Variants in IGF1R observed in about 807,000 individuals in gnomAD.
IGF1R encodes the protein insulin like growth factor 1 receptor.
IGF1R carries 44 observed loss-of-function variants against 144.6 expected under a neutral mutation model. That is an observed-to-expected ratio of 0.30 (90% CI 0.24 to 0.39). IGF1R has a LOEUF of 0.39. IGF1R is among the 10% of genes least tolerant of loss of function. The probability of loss-of-function intolerance (pLI) is 1.00; values close to 1 mark genes in which losing one functional copy is unlikely to be tolerated. For missense variants in IGF1R, 1,355 were observed against 1,833.7 expected, an observed-to-expected ratio of 0.74 and a Z score of 4.77; for synonymous variants, 795 against 722.8, an observed-to-expected ratio of 1.10 and a Z score of -1.60.
intron 19 of IGF1R, among the ~76,000 whole-genome samples, chr15:98,945,869 C>G (rs553043544): frequency 6.6e-6 from 1 of 152,040 alleles, no homozygotes; most frequent in Non-Finnish European, 1.5e-5. Flanking sequence ...ATGTTGACCT[C>G]AGACAAGAGT....
chr15:98,788,034 ATCTCTCTCTCTCTCTCTC>A (rs33910472), intron 2 of IGF1R, among the ~76,000 whole-genome samples: 1 of 133,780 alleles, frequency 7.5e-6, no homozygotes, highest in Non-Finnish European at 1.6e-5. Flanking sequence ...GTGGGTAGGG[ATCTCTCTCTCTCTCTCTC>A]TCTCTCTCTC....
intron 1 of IGF1R, among the ~76,000 whole-genome samples, chr15:98,706,263 C>G (rs1437166595): frequency 2.6e-5 from 4 of 152,216 alleles, no homozygotes; most frequent in Non-Finnish European, 4.4e-5. Context: ...GGGTGCTTCC[C>G]AAATTAATTA....
intron 19 of IGF1R, 87 bp from the exon 20 acceptor site, chr15:98,948,487 C>T (rs1033029736): frequency 2.5e-5 from 35 of 1,397,910 alleles, no homozygotes; most frequent in South Asian, 1.6e-4. Flanking sequence ...TTTATCTGCT[C>T]GGGATGTAAG....
intron 1 of IGF1R, among the ~76,000 whole-genome samples, chr15:98,673,354 C>T (rs1000361624): frequency 2.0e-5 from 3 of 152,174 alleles, no homozygotes; most frequent in African/African-American, 7.2e-5. Context: ...AGCGGTTGTA[C>T]AGTAAATAGA....
intron 11 of IGF1R, among the ~76,000 whole-genome samples, chr15:98,922,806 A>G (rs762653763): frequency 4.6e-5 from 7 of 152,222 alleles, no homozygotes; most frequent in Non-Finnish European, 1.0e-4. Flanking sequence ...GTCTCCAGTT[A>G]GTTGCCTTGA....
At chr15:98,923,033 T>G (rs547602861) in intron 11 of IGF1R, among the ~76,000 whole-genome samples, 1 of 152,104 alleles carries the variant, frequency 6.6e-6, no homozygotes, top group South Asian at 2.1e-4. Context: ...GAGTCTGGGG[T>G]GTGGGGTCCT....
Position 98,649,011 on chromosome 15 carries a change from A to AGGC in IGF1R, c.-563_-561dup, listed in dbSNP as rs1353067074. On this transcript the variant is annotated 5_prime_UTR_variant, in exon 1 of 21. Transcript: ENST00000650285. ...GCGGCGGCGGCGGCGCTGAGGGAGG[A>AGGC]GGCGGCGGCGAGCGGAGCCAGGAGG... 27 of 208,140 alleles carry AGGC rather than the reference A, an allele frequency of 1.3e-4. No homozygotes were observed. The highest frequency in any genetic ancestry group is 1.6e-4 in the Non-Finnish European group (17 of 107,706). The allele number at this position is 208,140 out of a possible 1,614,324, so 12.9% of individuals were successfully genotyped here.
chr15:98,737,053 C>T (rs934613698), intron 2 of IGF1R, among the ~76,000 whole-genome samples: 1 of 152,214 alleles, frequency 6.6e-6, no homozygotes, highest in Admixed American at 6.5e-5. Flanking sequence ...GGAAACGACC[C>T]AGTCCCTGAA....
At chr15:98,816,132 G>T (rs867429842) in intron 2 of IGF1R, among the ~76,000 whole-genome samples, 2 of 151,930 alleles carry the variant, frequency 1.3e-5, no homozygotes, top group Non-Finnish European at 2.9e-5. Context: ...CTCTTCTCTC[G>T]AACCTCAGAA....
chr15:98,649,168 T>TCCGGCCG lies in IGF1R; in HGVS notation c.-411_-405dup. On this transcript the variant is annotated 5_prime_UTR_variant, in exon 1 of 21. Transcript: ENST00000650285. ...CCCTCCCGCGGCGGAAGCTCGGGCG[T>TCCGGCCG]CCGGCCGCCTCCCGCGCGGCCAGGG... is the stretch of plus-strand genomic sequence containing the variant. The TCCGGCCG allele has an allele frequency of 4.6e-6, 1 of 219,408 alleles. No individual in the cohort carries two copies. Among genetic ancestry groups the TCCGGCCG allele is most frequent in the Non-Finnish European group, 9.1e-6 (1 of 109,326 alleles). 13.6% of individuals were successfully genotyped at this position (219,408 alleles called of 1,614,324 possible).
At chr15:98,931,820 G>C (rs1242827558) in intron 15 of IGF1R, among the ~76,000 whole-genome samples, 1 of 152,150 alleles carries the variant, frequency 6.6e-6, no homozygotes, top group Non-Finnish European at 1.5e-5. Context: ...TCCCACCACT[G>C]CACTACAGCC....
chr15:98,932,669 A>G (rs1195257545), intron 15 of IGF1R, among the ~76,000 whole-genome samples: 1 of 152,186 alleles, frequency 6.6e-6, no homozygotes, highest in Non-Finnish European at 1.5e-5. Flanking sequence ...TCTGAGGCGC[A>G]TTGTGAAGAG....
intron 20 of IGF1R, among the ~76,000 whole-genome samples, chr15:98,949,157 A>G (rs2016674713): frequency 2.0e-5 from 3 of 152,216 alleles, no homozygotes; most frequent in African/African-American, 4.8e-5. Flanking sequence ...ACACAGCTGC[A>G]TGGCCAGGAC....
chr15:98,688,151 C>A (rs1392487061), intron 1 of IGF1R, among the ~76,000 whole-genome samples: 1 of 152,166 alleles, frequency 6.6e-6, no homozygotes, highest in African/African-American at 2.4e-5. Flanking sequence ...CTCTGGTGAT[C>A]TGAACCTAGA....
intron 2 of IGF1R, among the ~76,000 whole-genome samples, chr15:98,780,498 A>G: frequency 6.8e-6 from 1 of 147,752 alleles, no homozygotes; most frequent in Admixed American, 6.9e-5. Context: ...GTGGAGAGCC[A>G]AGATTGCATC....
At chr15:98,911,477 C>G (rs1407153546) in intron 7 of IGF1R, 36 bp downstream of exon 7, 12 of 1,613,662 alleles carry the variant, frequency 7.4e-6, no homozygotes, top group Non-Finnish European at 1.0e-5. Context: ...ATTCTGTTGA[C>G]AGGGCTACGA....
chr15:98,699,543 G>C (rs1385324934), intron 1 of IGF1R, among the ~76,000 whole-genome samples: 3 of 152,182 alleles, frequency 2.0e-5, no homozygotes, highest in African/African-American at 7.2e-5. Context: ...CGGGAAAACG[G>C]TTGTTACAAA....
chr15:98,718,310 C>T (rs1366174177), intron 2 of IGF1R, among the ~76,000 whole-genome samples: 2 of 152,206 alleles, frequency 1.3e-5, no homozygotes, highest in East Asian at 1.9e-4. Context: ...ACAGAGGCAG[C>T]GTATTTAGGG....
chr15:98,766,770 C>G (rs1340730908), intron 2 of IGF1R, among the ~76,000 whole-genome samples: 2 of 152,148 alleles, frequency 1.3e-5, no homozygotes, highest in African/African-American at 4.8e-5. Context: ...AACAGCACCA[C>G]CTTCAACTGT....
Sources: allele counts gnomAD v4.1 joint callset (sites outside exome capture counted in the v4.1 genomes callset), GRCh38; gene constraint gnomAD v4.1.1; transcripts MANE v1.5; gene names NCBI Gene and HGNC (gene_info 2026-07-23, HGNC 2026-07-21).